ITGA8: variants seen among roughly 807,000 people sequenced by gnomAD.
The protein encoded by ITGA8 is integrin alpha-8.
A neutral mutation model predicts 142.3 loss-of-function variants in ITGA8; 91 were observed. That is an observed-to-expected ratio of 0.64 (90% CI 0.54 to 0.76). The LOEUF (loss-of-function observed/expected upper bound fraction) is 0.76, where lower values mean the gene tolerates loss of function less well. Ranked by LOEUF, ITGA8 falls within the 30% of genes least tolerant of loss-of-function variation. The pLI, the probability that ITGA8 is intolerant of heterozygous loss-of-function variation, is 0.00. For missense variants in ITGA8, 1,406 were observed against 1,327.7 expected, an observed-to-expected ratio of 1.06 and a Z score of -0.92; for synonymous variants, 505 against 485.2, an observed-to-expected ratio of 1.04 and a Z score of -0.54.
In ITGA8 at chr10:15,553,168, G is replaced by A. The variant is rs143152844; in HGVS notation, c.2767-4600C>T. On this transcript the variant is annotated intron_variant, in intron 26 of 29. Transcript: ENST00000378076. ...GCTACTCAGGAGACTGAGGTGGGAG[G>A]ATCACTTGAATCCGGGAGGCCGAGG... 1.0e-2 allele frequency among the ~76,000 whole-genome samples: 1,518 copies of A among 152,060 alleles called. 23 individuals carry two copies. The highest frequency in any genetic ancestry group is 0.034 in the African/African-American group (1,403 of 41,470).
At chr10:15,698,244 C>G (rs545197001) in intron 2 of ITGA8, among the ~76,000 whole-genome samples, 1 of 152,328 alleles carries the variant, frequency 6.6e-6, no homozygotes, top group East Asian at 1.9e-4. Context: ...TTATTTCATT[C>G]ATTTTTATGG....
At chr10:15,616,970 A>G (rs565688230) in intron 13 of ITGA8, among the ~76,000 whole-genome samples, 1 of 152,348 alleles carries the variant, frequency 6.6e-6, no homozygotes, top group South Asian at 2.1e-4. Context: ...GAAGGGTATT[A>G]ACCCAGAAGT....
chr10:15,521,918 G>C (rs1275469750), intron 28 of ITGA8, among the ~76,000 whole-genome samples: 4 of 152,228 alleles, frequency 2.6e-5, no homozygotes, highest in African/African-American at 9.6e-5. Context: ...CATGGAGGTA[G>C]AGGGTAGAAT....
Position 15,704,523 on chromosome 10 carries a change from C to A in ITGA8, c.343+14243G>T, listed in dbSNP as rs144325688. On this transcript the variant is annotated intron_variant, in intron 2 of 29. Coordinates refer to ENST00000378076, the MANE Select transcript of ITGA8 (RefSeq NM_003638.3). ...ACGATGGTTTTCTTTCAGCTTTCTT[C>A]GTACTTGAATCTTTCATACTTTCTT... Among the ~76,000 whole-genome samples, 266 of 152,278 alleles carry A rather than the reference C, an allele frequency of 1.7e-3. 2 individuals carry two copies. The highest frequency in any genetic ancestry group is 5.5e-3 in the African/African-American group (230 of 41,552).
intron 13 of ITGA8, among the ~76,000 whole-genome samples, chr10:15,641,079 A>C (rs1257693635): frequency 1.3e-5 from 2 of 152,064 alleles, no homozygotes; most frequent in African/African-American, 2.4e-5. Flanking sequence ...TCTGAGATGG[A>C]GTCTCGCCCT....
rs1314465854 is a variant in ITGA8 at position 15,644,463 on chromosome 10, T to C, written c.1208-242A>G. Among the ~76,000 whole-genome samples, 477 of 25,052 alleles carry C rather than the reference T, an allele frequency of 0.019. 43 individuals are homozygous for C. In the East Asian group the frequency reaches 0.24, roughly 12 times the overall value. The allele number at this position is 25,052 out of a possible 152,430, so 16.4% of individuals were successfully genotyped here. ...ATATATATATATATATATATATATA[T>C]ATATATATATATATATATATATATA... On this transcript the variant is annotated intron_variant, in intron 12 of 29. Coordinates refer to ENST00000378076, the MANE Select transcript of ITGA8 (RefSeq NM_003638.3).
chr10:15,644,065 C>T lies in ITGA8; in HGVS notation c.1364G>A (p.Arg455Lys), dbSNP rs758437809. Residue 455 changes from arginine (R) to lysine (K), a missense_variant, in exon 13 of 30, where the codon AGA becomes AAA. Physicochemically the swap from Arg to Lys is conservative, Grantham distance 26 (BLOSUM62 2). Transcript: ENST00000378076. ...AVPSGFGFTL[R>K]GDSDIDKNDY... ...ATTCTTGTCTATGTCTGAATCTCCT[C>T]TTAAAGTAAAGCCAAATCCGGAAGG... 4.6e-5 allele frequency: 75 copies of T among 1,613,900 alleles called. No individual in the cohort carries two copies. Among genetic ancestry groups the T allele is most frequent in the Non-Finnish European group, 6.1e-5 (72 of 1,179,970 alleles).
At chr10:15,703,169 T>C (rs541107233) in intron 2 of ITGA8, among the ~76,000 whole-genome samples, 36 of 152,352 alleles carry the variant, frequency 2.4e-4, no homozygotes, top group African/African-American at 8.2e-4. Flanking sequence ...AACATGGGCT[T>C]GTAATAGCAA....
intron 3 of ITGA8, among the ~76,000 whole-genome samples, chr10:15,686,277 A>G (rs1388947383): frequency 6.6e-6 from 1 of 152,164 alleles, no homozygotes; most frequent in East Asian, 1.9e-4. Flanking sequence ...GCCTCTCTAT[A>G]TATTGTAAAG....
chr10:15,644,493 GA>G (rs1833941400), intron 12 of ITGA8, among the ~76,000 whole-genome samples: 1 of 9,092 alleles, frequency 1.1e-4, no homozygotes, highest in African/African-American at 2.0e-4. Context: ...TATATATATA[GA>G]ATTTTTTTTT....
chr10:15,674,882 G>A (rs542493531), intron 6 of ITGA8, among the ~76,000 whole-genome samples: 5 of 151,726 alleles, frequency 3.3e-5, no homozygotes, highest in African/African-American at 1.2e-4. Context: ...AGAGGTTGCA[G>A]TGAGCCAAGA....
chr10:15,652,081 AAAG>A (rs1225891611), intron 11 of ITGA8, among the ~76,000 whole-genome samples: 2 of 152,248 alleles, frequency 1.3e-5, no homozygotes, highest in African/African-American at 2.4e-5. Context: ...GAACTTCAAG[AAAG>A]AAGAAATTAT....
chr10:15,686,223 G>C (rs973340763), intron 3 of ITGA8, among the ~76,000 whole-genome samples: 5 of 152,112 alleles, frequency 3.3e-5, no homozygotes, highest in African/African-American at 9.7e-5. Context: ...ATAACTCCTA[G>C]TCTCAAATAA....
Position 15,677,649 on chromosome 10 carries a change from A to G in ITGA8, c.631-12T>C. ...ATAAGGTCTCCATTCTACAAAACAG[A>G]AACAGCAACAGCAACCATAATTGGA... On this transcript the variant is annotated splice_polypyrimidine_tract_variant and intron_variant, in intron 5 of 29. Coordinates refer to ENST00000378076, the MANE Select transcript of ITGA8 (RefSeq NM_003638.3). 1 of 1,610,966 alleles carries G rather than the reference A, an allele frequency of 6.2e-7. No individual in the cohort carries two copies. Among genetic ancestry groups the G allele is most frequent in the Non-Finnish European group, 8.5e-7 (1 of 1,178,288 alleles).
At chr10:15,716,757 C>T (rs935444280) in intron 2 of ITGA8, among the ~76,000 whole-genome samples, 1 of 149,280 alleles carries the variant, frequency 6.7e-6, no homozygotes, top group Admixed American at 6.7e-5. Context: ...TGCAACCTCT[C>T]CCTCCTGGGT....
intron 17 of ITGA8, 60 bp from the exon 18 acceptor site, chr10:15,606,482 C>A: frequency 1.3e-6 from 2 of 1,501,740 alleles, no homozygotes; most frequent in South Asian, 2.4e-5. Flanking sequence ...AGATGTCAGT[C>A]TGCAAAAGTC....
intron 2 of ITGA8, among the ~76,000 whole-genome samples, chr10:15,708,363 T>C (rs1835300336): frequency 6.6e-6 from 1 of 151,966 alleles, no homozygotes; most frequent in East Asian, 1.9e-4. Context: ...ATCACAGGAA[T>C]AGAGAAATGA....
chr10:15,607,643 A>C lies in ITGA8; in HGVS notation c.1764+34T>G, dbSNP rs184842038. ...AATGGTTGGAATTTGGATATGAAGG[A>C]GAGAGGCCAGAGAAGTCTTTCTGGA... On this transcript the variant is annotated intron_variant, in intron 17 of 29. Transcript: ENST00000378076. 786 of 1,601,716 alleles carry C rather than the reference A, an allele frequency of 4.9e-4. 2 individuals carry two copies. In the African/African-American group the frequency reaches 9.1e-3, roughly 19 times the overall value.
At chr10:15,620,914 A>T (rs1833479557) in intron 13 of ITGA8, among the ~76,000 whole-genome samples, 1 of 152,248 alleles carries the variant, frequency 6.6e-6, no homozygotes, top group African/African-American at 2.4e-5. Flanking sequence ...TATTTAAATA[A>T]TACTCAGAAA....
Sources: gnomAD v4.1 joint callset for allele counts (sites outside exome capture counted in the v4.1 genomes callset) on GRCh38, gnomAD v4.1.1 for gene constraint, MANE v1.5 for transcripts, NCBI Gene and HGNC (gene_info 2026-07-23, HGNC 2026-07-21) for gene names.